The following AGBL4 variants were observed in gnomAD, a reference collection of about 807,000 sequenced individuals.
AGBL4 encodes cytosolic carboxypeptidase 6.
AGBL4 carries 58 observed loss-of-function variants against 66.4 expected under a neutral mutation model. That is an observed-to-expected ratio of 0.87 (90% CI 0.71 to 1.09). AGBL4 has a LOEUF of 1.09. Among genes scored for constraint, AGBL4 ranks in the 50% least tolerant of loss-of-function variants. AGBL4 has a pLI of 0.00. For missense variants in AGBL4, 579 were observed against 631.0 expected (o/e 0.92, Z 0.88); for synonymous variants, 234 against 222.9 (o/e 1.05, Z -0.44).
At chr1:49,060,223 G>A (rs1644379048) in intron 4 of AGBL4, among the ~76,000 whole-genome samples, 1 of 152,114 alleles carries the variant, frequency 6.6e-6, no homozygotes, top group African/African-American at 2.4e-5. Context: ...CCATGCTGCT[G>A]TTCTCATGAT....
intron 3 of AGBL4, among the ~76,000 whole-genome samples, chr1:49,372,191 C>G (rs1389663875): frequency 6.6e-6 from 1 of 151,858 alleles, no homozygotes; most frequent in African/African-American, 2.4e-5. Flanking sequence ...AGTATGCATC[C>G]CAGAACGCTC....
chr1:49,744,994 G>C (rs1334234678), intron 2 of AGBL4, among the ~76,000 whole-genome samples: 1 of 151,964 alleles, frequency 6.6e-6, no homozygotes, highest in African/African-American at 2.4e-5. Flanking sequence ...TGAAGAAATA[G>C]AGAAACAAAA....
intron 4 of AGBL4, among the ~76,000 whole-genome samples, chr1:49,202,949 T>C (rs1012884073): frequency 4.6e-5 from 7 of 151,792 alleles, no homozygotes; most frequent in African/African-American, 7.3e-5. Flanking sequence ...GAAAAAGAGT[T>C]GAACAGACAT....
downstream of AGBL4, among the ~76,000 whole-genome samples, chr1:48,527,946 G>A (rs1360923162): frequency 6.6e-6 from 1 of 152,150 alleles, no homozygotes; most frequent in African/African-American, 2.4e-5. Context: ...CTTCTAAGCA[G>A]GGAATGGGTT....
In AGBL4 at chr1:49,714,591, TATAC is replaced by T. The variant is rs548736220; in HGVS notation, c.158-17158_158-17155del. 7.0e-4 allele frequency among the ~76,000 whole-genome samples: 95 copies of T among 136,016 alleles called. 2 individuals carry two copies. The South Asian group carries it at 9.6e-3, about 14-fold the overall frequency. 89.2% of individuals were successfully genotyped at this position (136,016 alleles called of 152,430 possible). A position where few individuals can be genotyped will look rare whatever the true frequency, so the allele number is the denominator to read the frequency against. ...TTACATATATATATATATATATATA[TATAC>T]ACACACACACATATATATATATCTA... On this transcript the variant is annotated intron_variant, in intron 2 of 13. Coordinates refer to ENST00000371839, the MANE Select transcript of AGBL4 (RefSeq NM_032785.4).
At chr1:48,767,001 A>C (rs1570592176) in intron 6 of AGBL4, among the ~76,000 whole-genome samples, 1 of 152,338 alleles carries the variant, frequency 6.6e-6, no homozygotes, top group East Asian at 1.9e-4. Flanking sequence ...TCTGCTCTCT[A>C]TGCCATCCTA....
intron 1 of AGBL4, among the ~76,000 whole-genome samples, chr1:49,918,094 G>A (rs1007452153): frequency 1.3e-5 from 2 of 152,294 alleles, no homozygotes; most frequent in Middle Eastern, 3.4e-3. Context: ...AGTGTGTAGA[G>A]GGTAATTTAT....
intron 1 of AGBL4, among the ~76,000 whole-genome samples, chr1:49,905,415 C>T: frequency 6.6e-6 from 1 of 152,148 alleles, no homozygotes; most frequent in Non-Finnish European, 1.5e-5. Flanking sequence ...ACAAGCAAAA[C>T]CCTTCTGTGT....
At chr1:49,243,948 G>T (rs1242752674) in intron 4 of AGBL4, among the ~76,000 whole-genome samples, 1 of 151,752 alleles carries the variant, frequency 6.6e-6, no homozygotes, top group Non-Finnish European at 1.5e-5. Context: ...CTGATTGCCT[G>T]CCAACATTGC....
intron 6 of AGBL4, among the ~76,000 whole-genome samples, chr1:48,769,526 A>AACACACACACACACACAC (rs558937968): frequency 6.1e-5 from 8 of 130,216 alleles, no homozygotes; most frequent in African/African-American, 8.7e-5. Flanking sequence ...GAGGATTTAA[A>AACACACACACACACACAC]ACACACACAC....
chr1:48,775,345 C>T (rs1396381254), intron 6 of AGBL4, among the ~76,000 whole-genome samples: 1 of 152,166 alleles, frequency 6.6e-6, no homozygotes, highest in Non-Finnish European at 1.5e-5. Flanking sequence ...ACTGAGCTAA[C>T]TTGCCATGAG....
At chr1:49,245,237 G>A (rs1651543093) in intron 4 of AGBL4, among the ~76,000 whole-genome samples, 1 of 141,686 alleles carries the variant, frequency 7.1e-6, no homozygotes. Flanking sequence ...TATAGCAATG[G>A]TACAAATAGA....
At chr1:49,629,638 T>C (rs972654978) in intron 3 of AGBL4, among the ~76,000 whole-genome samples, 1 of 152,202 alleles carries the variant, frequency 6.6e-6, no homozygotes, top group Non-Finnish European at 1.5e-5. Flanking sequence ...GGTCATTGAA[T>C]ATAATCTCAA....
At chr1:48,759,216 C>T in intron 6 of AGBL4, 1 of 1,605,070 alleles carries the variant, frequency 6.2e-7, no homozygotes, top group Non-Finnish European at 8.5e-7. Flanking sequence ...CGTTCTGCTT[C>T]TCTAGCCGAG....
At chr1:49,511,357 A>G (rs1649228391) in intron 3 of AGBL4, among the ~76,000 whole-genome samples, 1 of 150,850 alleles carries the variant, frequency 6.6e-6, no homozygotes, top group Non-Finnish European at 1.5e-5. Flanking sequence ...TCGCAAGAAC[A>G]AAAAACCAAA....
At chr1:48,826,746 T>A (rs929294615) in intron 6 of AGBL4, among the ~76,000 whole-genome samples, 1 of 152,220 alleles carries the variant, frequency 6.6e-6, no homozygotes, top group Non-Finnish European at 1.5e-5. Context: ...TGCCAGCATA[T>A]TGCCTATTTG....
intron 1 of AGBL4, among the ~76,000 whole-genome samples, chr1:50,015,466 G>A (rs1169624648): frequency 6.6e-6 from 1 of 152,166 alleles, no homozygotes; most frequent in Non-Finnish European, 1.5e-5. Flanking sequence ...TAAAAATCCT[G>A]TGAAACAGAG....
chr1:48,766,670 T>G (rs1199771728), intron 6 of AGBL4, among the ~76,000 whole-genome samples: 23 of 152,182 alleles, frequency 1.5e-4, no homozygotes, highest in Admixed American at 1.5e-3. Flanking sequence ...TTCACATGCC[T>G]CTTGACCTGG....
intron 2 of AGBL4, among the ~76,000 whole-genome samples, chr1:49,803,087 G>A: frequency 6.7e-6 from 1 of 150,352 alleles, no homozygotes; most frequent in East Asian, 1.9e-4. Flanking sequence ...AGCTTATGAA[G>A]TTATATCTAA....
Sources: allele counts gnomAD v4.1 joint callset (sites outside exome capture counted in the v4.1 genomes callset), GRCh38; gene constraint gnomAD v4.1.1; transcripts MANE v1.5; gene names NCBI Gene and HGNC (gene_info 2026-07-23, HGNC 2026-07-21).